EXOC4: variants seen among roughly 807,000 people sequenced by gnomAD.
EXOC4 encodes SEC8-like 1.
EXOC4 carries 71 observed loss-of-function variants against 107.2 expected under a neutral mutation model. That is an observed-to-expected ratio of 0.66 (90% confidence interval 0.55 to 0.81). The LOEUF (loss-of-function observed/expected upper bound fraction) is 0.81. Ranked by LOEUF, EXOC4 falls within the 30% of genes least tolerant of loss-of-function variation. The probability of loss-of-function intolerance (pLI) is 0.00; values close to 1 mark genes in which losing one functional copy is unlikely to be tolerated. For synonymous variants in EXOC4, 456 were observed against 441.2 expected, an observed-to-expected ratio of 1.03 and a Z score of -0.42; for missense variants, 1,108 against 1,189.6, an observed-to-expected ratio of 0.93 and a Z score of 1.01.
chr7:133,902,520 G>A (rs904406010), intron 12 of EXOC4, among the ~76,000 whole-genome samples: 2 of 152,152 alleles, frequency 1.3e-5, no homozygotes, highest in South Asian at 2.1e-4. Context: ...GTGAATGGGA[G>A]AGGGGAGATA....
intron 14 of EXOC4, among the ~76,000 whole-genome samples, chr7:133,963,509 C>T (rs1392595853): frequency 1.3e-5 from 2 of 152,128 alleles, no homozygotes; most frequent in Non-Finnish European, 2.9e-5. Flanking sequence ...TCTGACAAGG[C>T]AAGGAGTGAA....
intron 9 of EXOC4, among the ~76,000 whole-genome samples, chr7:133,502,693 A>G (rs1799596872): frequency 6.6e-6 from 1 of 152,152 alleles, no homozygotes; most frequent in African/African-American, 2.4e-5. Context: ...AGGCAACCGC[A>G]GGTTTGCTGT....
chr7:133,909,432 A>G (rs1456375488), intron 12 of EXOC4, among the ~76,000 whole-genome samples: 1 of 152,236 alleles, frequency 6.6e-6, no homozygotes, highest in Non-Finnish European at 1.5e-5. Flanking sequence ...ATTTGAGCTC[A>G]GTTCTAAAGG....
intron 6 of EXOC4, among the ~76,000 whole-genome samples, chr7:133,374,249 G>C (rs1429576440): frequency 6.6e-6 from 1 of 151,948 alleles, no homozygotes; most frequent in Non-Finnish European, 1.5e-5. Flanking sequence ...TGTGATGAAT[G>C]AGATAATGTG....
chr7:133,253,561 T>G, intron 1 of EXOC4: 1 of 985,510 alleles, frequency 1.0e-6, no homozygotes, highest in Non-Finnish European at 1.2e-6. Flanking sequence ...GAGAAAGGCG[T>G]CTTGTTTCCT....
At chr7:134,058,844 G>A (rs1479231978) in intron 17 of EXOC4, among the ~76,000 whole-genome samples, 1 of 152,104 alleles carries the variant, frequency 6.6e-6, no homozygotes, top group Non-Finnish European at 1.5e-5. Context: ...TCATTTTGAG[G>A]CCTTAGACAA....
intron 7 of EXOC4, among the ~76,000 whole-genome samples, chr7:133,378,424 A>T (rs1217397847): frequency 6.6e-6 from 1 of 152,096 alleles, no homozygotes; most frequent in East Asian, 1.9e-4. Context: ...GACAAAAAAA[A>T]AAAATGCTTT....
At position 133,436,962 on chromosome 7, in the gene EXOC4, A is replaced by T. The variant is rs574394872; in HGVS notation, c.1183-38366A>T. Among the ~76,000 whole-genome samples, 5 of 148,132 alleles carry T rather than the reference A, an allele frequency of 3.4e-5. No homozygotes were observed. The East Asian group carries it at 7.9e-4, about 23-fold the overall frequency. ...GTCTATAAATTGAGGATGAACTGATAAAAAAAAAATACATCTGAGTGACTA... is the reference window on the plus strand; with the variant it reads ...GTCTATAAATTGAGGATGAACTGATTAAAAAAAAATACATCTGAGTGACTA... On this transcript the variant is annotated intron_variant, in intron 7 of 17. Transcript: ENST00000253861.
intron 14 of EXOC4, among the ~76,000 whole-genome samples, chr7:133,994,185 A>G (rs527795911): frequency 4.4e-4 from 67 of 152,050 alleles, no homozygotes; most frequent in African/African-American, 1.6e-3. Flanking sequence ...TCACTGTTCA[A>G]CTCCCACTTA....
intron 11 of EXOC4, among the ~76,000 whole-genome samples, chr7:133,861,545 GTT>G (rs373028879): frequency 6.6e-6 from 1 of 151,938 alleles, no homozygotes; most frequent in Non-Finnish European, 1.5e-5. Flanking sequence ...GTTTTGTTTT[GTT>G]TTTTTGTGAC....
At chr7:133,942,783 G>T (rs1313511228) in intron 14 of EXOC4, among the ~76,000 whole-genome samples, 1 of 152,100 alleles carries the variant, frequency 6.6e-6, no homozygotes, top group East Asian at 1.9e-4. Flanking sequence ...CAAGCAAGTT[G>T]TGGTCATTTC....
intron 9 of EXOC4, among the ~76,000 whole-genome samples, chr7:133,594,681 A>C (rs1290123494): frequency 6.6e-6 from 1 of 151,550 alleles, no homozygotes; most frequent in Admixed American, 6.6e-5. Context: ...TTTAGTAGAG[A>C]TGGGGTTTCA....
chr7:133,925,264 A>G (rs905547709), intron 13 of EXOC4, among the ~76,000 whole-genome samples: 1 of 152,216 alleles, frequency 6.6e-6, no homozygotes, highest in Admixed American at 6.5e-5. Context: ...AAAAAATAAA[A>G]TGTATTATTT....
intron 10 of EXOC4, among the ~76,000 whole-genome samples, chr7:133,684,332 TG>T (rs922351696): frequency 6.6e-6 from 1 of 152,214 alleles, no homozygotes; most frequent in African/African-American, 2.4e-5. Flanking sequence ...TCAAAATTGA[TG>T]GTTTAAATAT....
intron 7 of EXOC4, among the ~76,000 whole-genome samples, chr7:133,387,081 T>G (rs993196943): frequency 6.6e-6 from 1 of 152,210 alleles, no homozygotes; most frequent in African/African-American, 2.4e-5. Flanking sequence ...ACAATTAGAA[T>G]GGCCTGTGGA....
intron 9 of EXOC4, among the ~76,000 whole-genome samples, chr7:133,537,264 C>T (rs1330706818): frequency 1.3e-5 from 2 of 151,698 alleles, no homozygotes; most frequent in African/African-American, 4.9e-5. Flanking sequence ...GATTCTTGTG[C>T]CTCAGCCTCC....
chr7:133,430,085 T>A (rs1229740606), intron 7 of EXOC4, among the ~76,000 whole-genome samples: 1 of 152,180 alleles, frequency 6.6e-6, no homozygotes, highest in African/African-American at 2.4e-5. Flanking sequence ...AAGAATCAGG[T>A]CACATGGACT....
At chr7:133,965,359 GT>G (rs1801040770) in intron 14 of EXOC4, among the ~76,000 whole-genome samples, 1 of 152,046 alleles carries the variant, frequency 6.6e-6, no homozygotes, top group African/African-American at 2.4e-5. Flanking sequence ...CAATTTGGCT[GT>G]TGTTGCCATT....
chr7:133,516,772 T>TTTTTTTTTTTTTTTTTTTC (rs71188898), intron 9 of EXOC4, among the ~76,000 whole-genome samples: 5 of 146,214 alleles, frequency 3.4e-5, no homozygotes, highest in East Asian at 2.0e-4. Context: ...TTTTTTTTTT[T>TTTTTTTTTTTTTTTTTTTC]ACAGAATTTA....
Sources: gnomAD v4.1 joint callset for allele counts (sites outside exome capture counted in the v4.1 genomes callset) on GRCh38, gnomAD v4.1.1 for gene constraint, MANE v1.5 for transcripts, NCBI Gene and HGNC (gene_info 2026-07-23, HGNC 2026-07-21) for gene names.